QTMAN: variants seen among roughly 807,000 people sequenced by gnomAD.
QTMAN encodes tRNA-queuosine alpha-mannosyltransferase.
the QTMAN span, among the ~76,000 whole-genome samples, chr2:144,300,087 C>T: frequency 5.3e-5 from 8 of 152,286 alleles, no homozygotes; most frequent in South Asian, 4.1e-4. Flanking sequence ...AAGACAAAGT[C>T]TGCCACGGAC....
chr2:143,947,409 T>C, the QTMAN span, among the ~76,000 whole-genome samples: 1 of 152,166 alleles, frequency 6.6e-6, no homozygotes, highest in Admixed American at 6.5e-5. Flanking sequence ...TGGTTTATGT[T>C]ATGAATGACA....
chr2:144,060,339 C>T, the QTMAN span, among the ~76,000 whole-genome samples: 1 of 152,038 alleles, frequency 6.6e-6, no homozygotes, highest in Non-Finnish European at 1.5e-5. Flanking sequence ...CGGCTCACTG[C>T]AACCTCCGCC....
At chr2:144,288,604 A>G in the QTMAN span, among the ~76,000 whole-genome samples, 1 of 152,218 alleles carries the variant, frequency 6.6e-6, no homozygotes, top group African/African-American at 2.4e-5. Flanking sequence ...GAGCTGGTTA[A>G]AGAAATTCCA....
At chr2:143,971,661 A>T in the QTMAN span, among the ~76,000 whole-genome samples, 1 of 152,148 alleles carries the variant, frequency 6.6e-6, no homozygotes, top group African/African-American at 2.4e-5. Context: ...TATTTCAGAC[A>T]GATGTGGACC....
At chr2:144,161,289 T>C in the QTMAN span, among the ~76,000 whole-genome samples, 1 of 152,178 alleles carries the variant, frequency 6.6e-6, no homozygotes, top group African/African-American at 2.4e-5. Flanking sequence ...AAATGATATA[T>C]TTAATCGAGT....
chr2:143,989,240 GTAATA>G, the QTMAN span, among the ~76,000 whole-genome samples: 1 of 151,440 alleles, frequency 6.6e-6, no homozygotes, highest in Admixed American at 6.6e-5. Flanking sequence ...AAATTTTAAT[GTAATA>G]TAATTTAATA....
the QTMAN span, among the ~76,000 whole-genome samples, chr2:144,314,375 G>C: frequency 5.3e-5 from 8 of 152,120 alleles, no homozygotes; most frequent in Admixed American, 4.6e-4. Context: ...CAGAACACTA[G>C]CTGTCTGTGG....
At chr2:143,946,683 T>C in the QTMAN span, 1 of 191,672 alleles carries the variant, frequency 5.2e-6, no homozygotes, top group African/African-American at 2.3e-5. Flanking sequence ...TGTCATCCAG[T>C]ACAAAGGATA....
the QTMAN span, among the ~76,000 whole-genome samples, chr2:144,280,387 A>G: frequency 6.6e-6 from 1 of 152,206 alleles, no homozygotes; most frequent in Non-Finnish European, 1.5e-5. Flanking sequence ...CCTAAAGCCA[A>G]AACACCACCA....
the QTMAN span, among the ~76,000 whole-genome samples, chr2:144,269,815 T>C: frequency 6.6e-6 from 1 of 151,136 alleles, no homozygotes; most frequent in Non-Finnish European, 1.5e-5. Flanking sequence ...GCTATCCAAC[T>C]TCCTCATTTA....
At chr2:144,259,932 AAATT>A in the QTMAN span, among the ~76,000 whole-genome samples, 2 of 152,200 alleles carry the variant, frequency 1.3e-5, no homozygotes, top group South Asian at 2.1e-4. Flanking sequence ...ATAACTGTGA[AAATT>A]AATTATAAAA....
At chr2:143,966,891 G>A in the QTMAN span, among the ~76,000 whole-genome samples, 2 of 152,326 alleles carry the variant, frequency 1.3e-5, no homozygotes, top group South Asian at 4.1e-4. Flanking sequence ...AGTAAAACTT[G>A]GCACTAATGC....
the QTMAN span, among the ~76,000 whole-genome samples, chr2:143,976,524 T>C: frequency 6.6e-6 from 1 of 152,192 alleles, no homozygotes; most frequent in Non-Finnish European, 1.5e-5. Context: ...GCTGTTAGAA[T>C]TACCGACTTC....
the QTMAN span, among the ~76,000 whole-genome samples, chr2:144,274,741 C>A: frequency 6.6e-6 from 1 of 152,164 alleles, no homozygotes; most frequent in South Asian, 2.1e-4. Context: ...TTTATAATAA[C>A]CCAGGAAACA....
chr2:144,070,730 T>C, the QTMAN span, among the ~76,000 whole-genome samples: 1 of 152,292 alleles, frequency 6.6e-6, no homozygotes, highest in East Asian at 1.9e-4. Flanking sequence ...CTATATAACA[T>C]GACTTTTGTT....
At chr2:144,051,972 C>A in the QTMAN span, among the ~76,000 whole-genome samples, 1 of 152,164 alleles carries the variant, frequency 6.6e-6, no homozygotes, top group African/African-American at 2.4e-5. Context: ...TTAATTAACC[C>A]CAAATTATAT....
chr2:144,129,484 GA>G, the QTMAN span, among the ~76,000 whole-genome samples: 1 of 151,966 alleles, frequency 6.6e-6, no homozygotes, highest in African/African-American at 2.4e-5. Flanking sequence ...GACCAAGGAA[GA>G]AATAAGGAAG....
the QTMAN span, among the ~76,000 whole-genome samples, chr2:144,274,494 G>T: frequency 1.3e-3 from 201 of 152,334 alleles, no homozygotes; most frequent in African/African-American, 4.7e-3. Context: ...AGGTGACAGG[G>T]TCTGAACGTT....
the QTMAN span, among the ~76,000 whole-genome samples, chr2:144,018,801 G>A: frequency 6.6e-6 from 1 of 152,130 alleles, no homozygotes; most frequent in Admixed American, 6.5e-5. Flanking sequence ...CATATAATGT[G>A]GTAGGTGCTT....
Sources: gnomAD v4.1 joint callset for allele counts (sites outside exome capture counted in the v4.1 genomes callset) on GRCh38, gnomAD v4.1.1 for gene constraint, MANE v1.5 for transcripts, NCBI Gene and HGNC (gene_info 2026-07-23, HGNC 2026-07-21) for gene names.